Variants in GRM7 observed in about 807,000 individuals in gnomAD.
GRM7 encodes the protein glutamate metabotropic receptor 7.
In GRM7, 35 loss-of-function variants were observed where a neutral mutation model predicts 84.5. That is an observed-to-expected ratio of 0.41 (90% CI 0.32 to 0.55). The LOEUF (loss-of-function observed/expected upper bound fraction) is 0.55. Among genes scored for constraint, GRM7 ranks in the 20% least tolerant of loss-of-function variants. GRM7 has a pLI of 0.19. For synonymous variants in GRM7, 487 were observed against 455.1 expected, an observed-to-expected ratio of 1.07 and a Z score of -0.89; for missense variants, 1,003 against 1,194.6, an observed-to-expected ratio of 0.84 and a Z score of 2.36.
At chr3:7,001,514 C>T (rs1695013587) in intron 1 of GRM7, among the ~76,000 whole-genome samples, 1 of 151,976 alleles carries the variant, frequency 6.6e-6, no homozygotes, top group South Asian at 2.1e-4. Context: ...GGAAAACACA[C>T]CTATTTGTAA....
At chr3:7,396,372 A>G (rs748461196) in intron 4 of GRM7, among the ~76,000 whole-genome samples, 7 of 152,074 alleles carry the variant, frequency 4.6e-5, no homozygotes, top group Non-Finnish European at 5.9e-5. Flanking sequence ...CTCCCTTCCT[A>G]TTTTATTTTT....
At chr3:6,967,668 G>T (rs1172755489) in intron 1 of GRM7, among the ~76,000 whole-genome samples, 1 of 152,070 alleles carries the variant, frequency 6.6e-6, no homozygotes, top group Non-Finnish European at 1.5e-5. Context: ...AGTCAATAAG[G>T]ATGAACAACG....
At position 7,306,684 on chromosome 3, in the gene GRM7, G is replaced by A. The variant is rs374041901; in HGVS notation, c.1033+32G>A. The A allele has an allele frequency of 2.6e-6, 4 of 1,541,374 alleles. No homozygotes were observed. In the African/African-American group the frequency reaches 4.2e-5, roughly 16 times the overall value. On this transcript the variant is annotated intron_variant, in intron 4 of 9. Transcript: ENST00000357716. Reference sequence around the variant, plus strand: ...GTTTCATCAGCAGTAGGTTTGCTGAGAGAAGTTCTGGTGCCATGCTGAATG... The same window carrying A: ...GTTTCATCAGCAGTAGGTTTGCTGAAAGAAGTTCTGGTGCCATGCTGAATG...
chr3:7,664,947 T>C (rs1242830026), intron 8 of GRM7, among the ~76,000 whole-genome samples: 7 of 152,174 alleles, frequency 4.6e-5, no homozygotes, highest in Non-Finnish European at 1.0e-4. Context: ...CTGTTCATGT[T>C]TCAGACAATA....
At chr3:6,916,265 T>C (rs1696935499) in intron 1 of GRM7, among the ~76,000 whole-genome samples, 1 of 152,108 alleles carries the variant, frequency 6.6e-6, no homozygotes, top group African/African-American at 2.4e-5. Context: ...GAAGGACCGA[T>C]TCAGACATTA....
chr3:7,331,658 A>T (rs181912319), intron 4 of GRM7, among the ~76,000 whole-genome samples: 267 of 152,280 alleles, frequency 1.8e-3, no homozygotes, highest in Admixed American at 3.1e-3. Flanking sequence ...TATTTCCAGG[A>T]GCTTTTGGGA....
At chr3:7,322,724 A>G (rs989833307) in intron 4 of GRM7, among the ~76,000 whole-genome samples, 8 of 152,030 alleles carry the variant, frequency 5.3e-5, no homozygotes, top group African/African-American at 1.9e-4. Context: ...GTTGCTGACG[A>G]TGCCATTATT....
At chr3:7,127,916 T>A (rs1177407170) in intron 1 of GRM7, among the ~76,000 whole-genome samples, 1 of 152,056 alleles carries the variant, frequency 6.6e-6, no homozygotes, top group Non-Finnish European at 1.5e-5. Flanking sequence ...TGGTAATAGA[T>A]TAAGATCAGA....
At chr3:7,052,720 G>GTTTTTTTTTTTTTT (rs372132445) in intron 1 of GRM7, among the ~76,000 whole-genome samples, 27 of 101,508 alleles carry the variant, frequency 2.7e-4, no homozygotes, top group African/African-American at 9.0e-4. Context: ...AGTATCGGTA[G>GTTTTTTTTTTTTTT]TTTTTTTTTT....
At chr3:7,312,971 C>T (rs563873457) in intron 4 of GRM7, among the ~76,000 whole-genome samples, 40 of 147,836 alleles carry the variant, frequency 2.7e-4, no homozygotes, top group Non-Finnish European at 5.3e-4. Flanking sequence ...CTCTGTCACC[C>T]AGGCTGGAAT....
At chr3:7,103,727 T>C (rs1169694842) in intron 1 of GRM7, among the ~76,000 whole-genome samples, 1 of 148,114 alleles carries the variant, frequency 6.8e-6, no homozygotes, top group Non-Finnish European at 1.5e-5. Flanking sequence ...TTGTTTTCTC[T>C]CTTTTTCTCT....
chr3:7,137,968 A>C (rs138781947), intron 1 of GRM7, among the ~76,000 whole-genome samples: 1 of 152,134 alleles, frequency 6.6e-6, no homozygotes, highest in Non-Finnish European at 1.5e-5. Flanking sequence ...GTAAATGTAA[A>C]TATTTTATAC....
intron 1 of GRM7, among the ~76,000 whole-genome samples, chr3:7,053,684 G>C (rs554975463): frequency 7.5e-4 from 114 of 151,398 alleles, no homozygotes; most frequent in African/African-American, 2.5e-3. Flanking sequence ...TTGTATGAAG[G>C]CTTTTTTTTT....
At chr3:6,889,599 A>G (rs1695850348) in intron 1 of GRM7, among the ~76,000 whole-genome samples, 1 of 152,190 alleles carries the variant, frequency 6.6e-6, no homozygotes, top group East Asian at 1.9e-4. Flanking sequence ...ATCATCGTGG[A>G]TAACCTTTTT....
chr3:7,098,976 C>T (rs537732565), intron 1 of GRM7, among the ~76,000 whole-genome samples: 45 of 151,836 alleles, frequency 3.0e-4, no homozygotes, highest in African/African-American at 1.1e-3. Context: ...TTCTTTATTT[C>T]AGTACTTATG....
At chr3:7,522,068 A>G (rs1340897759) in intron 7 of GRM7, among the ~76,000 whole-genome samples, 1 of 152,032 alleles carries the variant, frequency 6.6e-6, no homozygotes, top group Non-Finnish European at 1.5e-5. Context: ...CTCCCAGCTC[A>G]TTTTGGAGGT....
At chr3:7,019,888 C>A (rs1695715225) in intron 1 of GRM7, among the ~76,000 whole-genome samples, 1 of 152,202 alleles carries the variant, frequency 6.6e-6, no homozygotes, top group Non-Finnish European at 1.5e-5. Context: ...AGAGCACCTA[C>A]TATATGGTCA....
chr3:7,185,468 A>G (rs1695484368), intron 2 of GRM7, among the ~76,000 whole-genome samples: 1 of 152,140 alleles, frequency 6.6e-6, no homozygotes, highest in Non-Finnish European at 1.5e-5. Flanking sequence ...AGGTTTTCTC[A>G]ATTTTCAGAT....
At chr3:7,640,141 C>G (rs1295911501) in intron 8 of GRM7, among the ~76,000 whole-genome samples, 1 of 152,056 alleles carries the variant, frequency 6.6e-6, no homozygotes, top group African/African-American at 2.4e-5. Flanking sequence ...GCCACAATGC[C>G]CTACACAGGG....
Sources: gnomAD v4.1 joint callset for allele counts (sites outside exome capture counted in the v4.1 genomes callset) on GRCh38, gnomAD v4.1.1 for gene constraint, MANE v1.5 for transcripts, NCBI Gene and HGNC (gene_info 2026-07-23, HGNC 2026-07-21) for gene names.